The following NAV2 variants were observed in gnomAD, a reference collection of about 807,000 sequenced individuals.
NAV2 encodes the protein helicase, APC down-regulated 1.
NAV2 carries 54 observed loss-of-function variants against 223.2 expected under a neutral mutation model. The observed-to-expected ratio is 0.24, with a 90% confidence interval of 0.19 to 0.30. The LOEUF (loss-of-function observed/expected upper bound fraction) is 0.30. NAV2 is among the 10% of genes least tolerant of loss of function. The probability of loss-of-function intolerance (pLI) is 1.00; values close to 1 mark genes in which losing one functional copy is unlikely to be tolerated. For missense variants in NAV2, 2,806 were observed against 3,147.5 expected (o/e 0.89, Z 2.60); for synonymous variants, 1,279 against 1,239.3 (o/e 1.03, Z -0.67).
intron 11 of NAV2, among the ~76,000 whole-genome samples, chr11:20,035,198 G>T (rs2056230530): frequency 6.6e-6 from 1 of 152,026 alleles, no homozygotes. Flanking sequence ...ACTGCAGGGT[G>T]GCAGTGGGGG....
intron 1 of NAV2, among the ~76,000 whole-genome samples, chr11:19,750,416 C>A (rs1275629393): frequency 6.6e-6 from 1 of 152,178 alleles, no homozygotes; most frequent in Non-Finnish European, 1.5e-5. Context: ...TTCCCTTGAC[C>A]TTTCAAACAA....
At chr11:20,058,748 C>A (rs1443025543) in intron 19 of NAV2, among the ~76,000 whole-genome samples, 1 of 152,222 alleles carries the variant, frequency 6.6e-6, no homozygotes, top group African/African-American at 2.4e-5. Context: ...ACCTGCTCAG[C>A]CTGTTTCCTA....
chr11:19,727,290 G>T (rs746057108), intron 1 of NAV2, among the ~76,000 whole-genome samples: 1 of 152,146 alleles, frequency 6.6e-6, no homozygotes, highest in Non-Finnish European at 1.5e-5. Context: ...CATCCAGCCC[G>T]TCTCACAAAT....
intron 6 of NAV2, among the ~76,000 whole-genome samples, chr11:19,904,072 T>C (rs112783626): frequency 0.019 from 2,862 of 152,318 alleles, 84 homozygotes; most frequent in African/African-American, 0.059. Context: ...AGAAGGATTT[T>C]TGAAGGCACT....
intron 3 of NAV2, among the ~76,000 whole-genome samples, chr11:19,865,981 T>G (rs1359881094): frequency 4.6e-5 from 7 of 152,206 alleles, no homozygotes; most frequent in Non-Finnish European, 7.4e-5. Context: ...ACCTCCTGGT[T>G]TCTCACCCAG....
At chr11:19,741,767 A>C (rs1393367510) in intron 1 of NAV2, among the ~76,000 whole-genome samples, 1 of 147,312 alleles carries the variant, frequency 6.8e-6, no homozygotes, top group East Asian at 2.0e-4. Flanking sequence ...ATAGACATTT[A>C]TGTTGTTTCC....
chr11:19,442,361 C>A (rs546924633), intron 1 of NAV2, among the ~76,000 whole-genome samples: 1 of 152,354 alleles, frequency 6.6e-6, no homozygotes, highest in East Asian at 1.9e-4. Flanking sequence ...GCTGGCGGCA[C>A]AGGCAAGTTG....
intron 1 of NAV2, among the ~76,000 whole-genome samples, chr11:19,799,066 T>C (rs906961782): frequency 5.3e-5 from 8 of 152,180 alleles, no homozygotes; most frequent in African/African-American, 1.9e-4. Flanking sequence ...GGCTGGGACT[T>C]TATCTTGAGG....
intron 1 of NAV2, among the ~76,000 whole-genome samples, chr11:19,576,005 T>A (rs1046070783): frequency 6.6e-6 from 1 of 152,168 alleles, no homozygotes; most frequent in Non-Finnish European, 1.5e-5. Flanking sequence ...TTTTAAGTCA[T>A]ACAGAGTGAG....
chr11:19,890,565 T>G (rs946044976), intron 5 of NAV2, among the ~76,000 whole-genome samples: 1 of 152,148 alleles, frequency 6.6e-6, no homozygotes, highest in African/African-American at 2.4e-5. Context: ...TTGGAACAAG[T>G]CCATAATCCT....
At position 19,409,592 on chromosome 11, in the gene NAV2, G is replaced by A. The variant is rs537032786; in HGVS notation, c.75+58565G>A. Among the ~76,000 whole-genome samples the A allele has an allele frequency of 2.6e-5, 4 of 152,308 alleles. No homozygotes were observed. The East Asian group carries it at 7.7e-4, about 29-fold the overall frequency. On this transcript the variant is annotated intron_variant, in intron 1 of 37. Coordinates refer to the NAV2 transcript ENST00000360655. ...GAATGGTGAAGGCTGTCAGCAGAAGGACTCCAAGACTGTCTGGTCTGAGCG... is the reference window on the plus strand; with the variant it reads ...GAATGGTGAAGGCTGTCAGCAGAAGAACTCCAAGACTGTCTGGTCTGAGCG...
intron 24 of NAV2, 86 bp from the exon 25 acceptor site, chr11:20,079,978 G>A (rs4757888): frequency 0.22 from 328,511 of 1,498,498 alleles, 39,303 homozygotes; most frequent in East Asian, 0.42. Context: ...CCTCAGGTGG[G>A]TGGGTTTTGC....
chr11:19,997,438 G>A lies in NAV2; in HGVS notation c.2768+13191G>A, dbSNP rs78565186. On this transcript the variant is annotated intron_variant, in intron 11 of 37. Coordinates refer to ENST00000349880, the MANE Select transcript of NAV2 (RefSeq NM_145117.5). ...CTTGGGAGGCTGCTTAAACTCTACC[G>A]TAGGACTCTTGACAGTTTGGGATCA... 4.3e-3 allele frequency among the ~76,000 whole-genome samples: 653 copies of A among 152,278 alleles called. 21 individuals carry two copies. The East Asian group carries it at 0.06, about 14-fold the overall frequency.
intron 1 of NAV2, among the ~76,000 whole-genome samples, chr11:19,613,889 A>C (rs1267361129): frequency 6.6e-6 from 1 of 152,232 alleles, no homozygotes; most frequent in South Asian, 2.1e-4. Context: ...CAGTAAATGT[A>C]AAATGGATAA....
chr11:19,932,069 T>G (rs2045403608), intron 6 of NAV2, among the ~76,000 whole-genome samples: 1 of 152,030 alleles, frequency 6.6e-6, no homozygotes, highest in African/African-American at 2.4e-5. Flanking sequence ...GAGCCTGCCC[T>G]CACTAGAACA....
chr11:19,505,431 AAGCGGAG>A (rs2043094004), intron 1 of NAV2: 1 of 152,246 alleles, frequency 6.6e-6, no homozygotes, highest in Non-Finnish European at 1.5e-5. Context: ...ATGTAGAAAG[AAGCGGAG>A]ATGGAATCAC....
chr11:20,026,270 G>A (rs1252857502), intron 11 of NAV2, among the ~76,000 whole-genome samples: 2 of 152,114 alleles, frequency 1.3e-5, no homozygotes. Flanking sequence ...CTGTAGTCCA[G>A]AGACAGGTGG....
intron 3 of NAV2, among the ~76,000 whole-genome samples, chr11:19,852,086 G>A (rs2061177299): frequency 6.6e-6 from 1 of 152,210 alleles, no homozygotes; most frequent in African/African-American, 2.4e-5. Flanking sequence ...AATGGATGCA[G>A]CCCTGCCAAA....
chr11:19,929,880 A>G lies in NAV2; in HGVS notation c.932-3296A>G, dbSNP rs140282140. Among the ~76,000 whole-genome samples the G allele has an allele frequency of 8.1e-3, 1,235 of 152,316 alleles. 18 individuals are homozygous for G. The highest frequency in any genetic ancestry group is 0.029 in the African/African-American group (1,194 of 41,558). On this transcript the variant is annotated intron_variant, in intron 6 of 37. Coordinates refer to ENST00000349880, the MANE Select transcript of NAV2 (RefSeq NM_145117.5). ...AGGGGAATAACTGACCTATAGCAGA[A>G]GCACCACGTGGTAACACAAGGATCA... is the stretch of plus-strand genomic sequence containing the variant.
Sources: allele counts gnomAD v4.1 joint callset (sites outside exome capture counted in the v4.1 genomes callset), GRCh38; gene constraint gnomAD v4.1.1; transcripts MANE v1.5; gene names NCBI Gene and HGNC (gene_info 2026-07-23, HGNC 2026-07-21).